TMEM131L: variants seen among roughly 807,000 people sequenced by gnomAD.
TMEM131L encodes transmembrane protein 131-like.
A neutral mutation model predicts 192.2 loss-of-function variants in TMEM131L; 54 were observed. The observed-to-expected ratio is 0.28, with a 90% CI of 0.23 to 0.35. The LOEUF is 0.35. Ranked by LOEUF, TMEM131L falls within the 10% of genes least tolerant of loss-of-function variation. TMEM131L has a pLI of 1.00. For missense variants in TMEM131L, 1,888 were observed against 1,972.9 expected (o/e 0.96, Z 0.82); for synonymous variants, 701 against 704.9 (o/e 0.99, Z 0.09).
chr4:153,491,832 G>T (rs934621614), intron 3 of TMEM131L, among the ~76,000 whole-genome samples: 8 of 151,986 alleles, frequency 5.3e-5, no homozygotes, highest in African/African-American at 1.9e-4. Context: ...TCACCCTCCT[G>T]AGTAGCTGGG....
chr4:153,577,236 C>T (rs903551651), intron 7 of TMEM131L, among the ~76,000 whole-genome samples: 1 of 152,062 alleles, frequency 6.6e-6, no homozygotes, highest in Non-Finnish European at 1.5e-5. Context: ...TAGGCAGGTG[C>T]CGGAGTTTTA....
chr4:153,627,908 C>T (rs35127259), intron 31 of TMEM131L, among the ~76,000 whole-genome samples: 47,094 of 152,190 alleles, frequency 0.31, 9,274 homozygotes, highest in Non-Finnish European at 0.45. Flanking sequence ...AGTGAGCCCC[C>T]TCCCTACAGC....
intron 25 of TMEM131L, among the ~76,000 whole-genome samples, chr4:153,610,509 C>T (rs1430607142): frequency 6.6e-6 from 1 of 152,136 alleles, no homozygotes; most frequent in Non-Finnish European, 1.5e-5. Context: ...AGTATAAGAC[C>T]TAATATGTCC....
At chr4:153,573,466 G>A (rs144744553) in intron 7 of TMEM131L, among the ~76,000 whole-genome samples, 2 of 152,368 alleles carry the variant, frequency 1.3e-5, no homozygotes, top group African/African-American at 4.8e-5. Flanking sequence ...TTTGGACAGA[G>A]CCAACATACG....
At chr4:153,606,851 A>G (rs1251233618) in intron 25 of TMEM131L, among the ~76,000 whole-genome samples, 1 of 152,226 alleles carries the variant, frequency 6.6e-6, no homozygotes, top group Non-Finnish European at 1.5e-5. Context: ...CCATGTTCAG[A>G]CCAGCAAATT....
chr4:153,565,908 T>C (rs529689549), intron 7 of TMEM131L, among the ~76,000 whole-genome samples: 2 of 152,310 alleles, frequency 1.3e-5, no homozygotes, highest in Admixed American at 1.3e-4. Context: ...TATTTAAATG[T>C]TTTCTCCAGT....
At chr4:153,573,666 T>C (rs1403553810) in intron 7 of TMEM131L, among the ~76,000 whole-genome samples, 1 of 152,228 alleles carries the variant, frequency 6.6e-6, no homozygotes, top group Non-Finnish European at 1.5e-5. Flanking sequence ...GTTTTTTGTC[T>C]GTCTTTCAGG....
intron 19 of TMEM131L, among the ~76,000 whole-genome samples, chr4:153,595,565 G>A (rs554521809): frequency 1.3e-5 from 2 of 151,970 alleles, no homozygotes; most frequent in Non-Finnish European, 2.9e-5. Flanking sequence ...TATTCTTCAG[G>A]ATTATATATT....
chr4:153,541,916 C>T (rs1736811897), intron 3 of TMEM131L, among the ~76,000 whole-genome samples: 1 of 152,202 alleles, frequency 6.6e-6, no homozygotes, highest in Non-Finnish European at 1.5e-5. Flanking sequence ...TTCCTTGTGG[C>T]ATCAGCTTGA....
At chr4:153,512,545 A>T (rs975131280) in intron 3 of TMEM131L, among the ~76,000 whole-genome samples, 1 of 152,182 alleles carries the variant, frequency 6.6e-6, no homozygotes, top group Non-Finnish European at 1.5e-5. Flanking sequence ...TTCTAAGATC[A>T]CTTTTACAGG....
At chr4:153,588,758 G>A in intron 15 of TMEM131L, 132 bp from the exon 16 acceptor site, 1 of 576,678 alleles carries the variant, frequency 1.7e-6, no homozygotes, top group Non-Finnish European at 3.1e-6. Context: ...ATAAGCAGCA[G>A]AGACAGAGGT....
intron 7 of TMEM131L, among the ~76,000 whole-genome samples, chr4:153,575,158 C>CT (rs1729850339): frequency 6.6e-6 from 1 of 152,162 alleles, no homozygotes; most frequent in Admixed American, 6.5e-5. Context: ...ATCAGAATGA[C>CT]TTAATACTTT....
chr4:153,598,825 ATTTTAAAT>A (rs1394579899), intron 21 of TMEM131L, 93 bp downstream of exon 21: 12 of 1,072,312 alleles, frequency 1.1e-5, no homozygotes, highest in African/African-American at 3.3e-5. Context: ...AAATTCTAAA[ATTTTAAAT>A]TTTTAAATTC....
chr4:153,632,556 T>G, intron 31 of TMEM131L, 162 bp from the exon 32 acceptor site: 1 of 720,830 alleles, frequency 1.4e-6, no homozygotes, highest in Non-Finnish European at 2.3e-6. Flanking sequence ...AACAATATGC[T>G]GTATTTCAGA....
At chr4:153,565,449 A>C (rs896740303) in intron 7 of TMEM131L, among the ~76,000 whole-genome samples, 1 of 152,212 alleles carries the variant, frequency 6.6e-6, no homozygotes, top group African/African-American at 2.4e-5. Flanking sequence ...ATGGACTTAG[A>C]GTTTAAGTTA....
In TMEM131L at chr4:153,604,417, C is replaced by T. The variant is rs1732072676; in HGVS notation, c.3405C>T (p.Ser1135=). Residue 1135 remains serine, a synonymous_variant, in exon 25 of 35, where the codon TCC becomes TCT. Transcript: ENST00000409959. ...ACCAGCCAGACTTGCCAGAAATTTC[C>T]AGGAAAAATAATGGTAATCTTTTCA... ...QYHQPDLPEI[S]RKNNGNNQQV... 4 of 1,597,254 alleles carry T rather than the reference C, an allele frequency of 2.5e-6. No homozygotes were observed. Among genetic ancestry groups the T allele is most frequent in the Non-Finnish European group, 3.4e-6 (4 of 1,174,502 alleles).
intron 4 of TMEM131L, among the ~76,000 whole-genome samples, chr4:153,554,465 A>G (rs1294544634): frequency 6.6e-6 from 1 of 152,220 alleles, no homozygotes; most frequent in African/African-American, 2.4e-5. Flanking sequence ...AAAAATTCCA[A>G]GGATTTGATG....
At chr4:153,504,883 TG>T (rs1480885472) in intron 3 of TMEM131L, among the ~76,000 whole-genome samples, 2 of 152,180 alleles carry the variant, frequency 1.3e-5, no homozygotes, top group Non-Finnish European at 1.5e-5. Flanking sequence ...AATCTCAGCT[TG>T]TTTTTTCAGA....
intron 3 of TMEM131L, among the ~76,000 whole-genome samples, chr4:153,549,657 T>C (rs1204043742): frequency 6.6e-6 from 1 of 152,226 alleles, no homozygotes; most frequent in Non-Finnish European, 1.5e-5. Flanking sequence ...TCACCAGCTA[T>C]GCGACACTGT....
Sources: gnomAD v4.1 joint callset for allele counts (sites outside exome capture counted in the v4.1 genomes callset) on GRCh38, gnomAD v4.1.1 for gene constraint, MANE v1.5 for transcripts, NCBI Gene and HGNC (gene_info 2026-07-23, HGNC 2026-07-21) for gene names.